The following VAV2 variants were observed in gnomAD, a reference collection of about 807,000 sequenced individuals.
The protein encoded by VAV2 is guanine nucleotide exchange factor VAV2.
A neutral mutation model predicts 132.5 loss-of-function variants in VAV2; 67 were observed. The observed-to-expected ratio is 0.51, with a 90% CI of 0.42 to 0.62. The LOEUF (loss-of-function observed/expected upper bound fraction) is 0.62. Among genes scored for constraint, VAV2 ranks in the 20% least tolerant of loss-of-function variants. The probability of loss-of-function intolerance (pLI) is 0.00; values close to 1 mark genes in which losing one functional copy is unlikely to be tolerated. For synonymous variants in VAV2, 492 were observed against 443.5 expected, an observed-to-expected ratio of 1.11 and a Z score of -1.37; for missense variants, 938 against 1,153.6, an observed-to-expected ratio of 0.81 and a Z score of 2.71.
chr9:133,960,457 C>T (rs1004278655), intron 1 of VAV2, among the ~76,000 whole-genome samples: 1 of 152,316 alleles, frequency 6.6e-6, no homozygotes, highest in South Asian at 2.1e-4. Context: ...GTGCCGGCCA[C>T]GGGAGCCTCT....
At position 133,992,227 on chromosome 9, in the gene VAV2, G is replaced by GC. The variant is rs1347474259; in HGVS notation, c.51dup (p.Pro18AlafsTer68). 5.0e-6 allele frequency: 8 copies of GC among 1,589,740 alleles called. No homozygotes were observed. Among genetic ancestry groups the GC allele is most frequent in the Non-Finnish European group, 6.8e-6 (8 of 1,168,916 alleles). On this transcript the variant is annotated frameshift_variant, in exon 1 of 30. Transcript: ENST00000371850. LOFTEE classifies it high-confidence loss of function. The surrounding 1 kb of genome is among the most constrained non-coding windows in gnomAD (Gnocchi z 5.5). ...GGCCACACCACCCGGTGGTTGGGCG[G>GC]CAGGACCTTGCAATCGATGAGCCAG...
intron 1 of VAV2, among the ~76,000 whole-genome samples, chr9:133,956,956 C>T (rs1318006957): frequency 3.3e-5 from 5 of 152,204 alleles, no homozygotes; most frequent in Non-Finnish European, 7.3e-5. Context: ...CAGTCCTGGG[C>T]GCACCTGTTT....
At chr9:133,852,136 T>C (rs966899281) in intron 3 of VAV2, among the ~76,000 whole-genome samples, 2 of 151,476 alleles carry the variant, frequency 1.3e-5, no homozygotes, top group African/African-American at 4.9e-5. Flanking sequence ...GGTGGCTTGA[T>C]GGGTTGTAGG....
At position 133,769,451 on chromosome 9, in the gene VAV2, A is replaced by G; in HGVS notation, c.2400T>C (p.Phe800=). ...FSFLSPQGLS[F]ASQGPSAPFW... ...AGGGAGCGGAGGGGCCCTGAGAAGC[A>G]AAGCTGAGGCCCTGAGGACTGAGAA... Residue 800 remains phenylalanine, a synonymous_variant, in exon 28 of 30, where the codon TTT becomes TTC. Coordinates refer to ENST00000371850, the MANE Select transcript of VAV2 (RefSeq NM_001134398.2). This position sits in a 1 kb window ranked among gnomAD's most constrained non-coding sequence, Gnocchi z 8.1. 7 of 1,613,276 alleles carry G rather than the reference A, an allele frequency of 4.3e-6. No individual in the cohort carries two copies. Among genetic ancestry groups the G allele is most frequent in the Non-Finnish European group, 5.9e-6 (7 of 1,179,598 alleles).
chr9:133,955,843 C>T (rs1429502806), intron 1 of VAV2, among the ~76,000 whole-genome samples: 2 of 127,872 alleles, frequency 1.6e-5, no homozygotes, highest in African/African-American at 6.2e-5. Context: ...GCTCTGGCCT[C>T]CCCCAGCCCG....
At chr9:133,980,208 G>C (rs893338604) in intron 1 of VAV2, among the ~76,000 whole-genome samples, 1 of 152,198 alleles carries the variant, frequency 6.6e-6, no homozygotes, top group Non-Finnish European at 1.5e-5. Context: ...CCATTTTGCC[G>C]GTGGAGGGGG....
intron 12 of VAV2, among the ~76,000 whole-genome samples, chr9:133,793,984 G>A (rs569703684): frequency 6.6e-6 from 1 of 152,214 alleles, no homozygotes; most frequent in East Asian, 1.9e-4. Flanking sequence ...CTCTCAGAAA[G>A]GCAGACGCAC....
rs773398433 is a variant in VAV2, at chr9:133,834,322, C to T, written c.399G>A (p.Glu133=). ...AGACGTCATCGTCATTCTCTGTGGT[C>T]TCCTCTGAGGGAAAAGGCCTGCGGA... The part of the protein sequence containing the change: ...NKGIRPFPSE[E]TTENDDDVYR... The change falls in exon 4 of 30, where the codon GAG becomes GAA. Residue 133 remains glutamate, a synonymous_variant. Transcript: ENST00000371850. The surrounding 1 kb of genome is among the most constrained non-coding windows in gnomAD (Gnocchi z 5.9). 2 of 1,612,784 alleles carry T rather than the reference C, an allele frequency of 1.2e-6. No individual in the cohort carries two copies. Among genetic ancestry groups the T allele is most frequent in the South Asian group, 2.2e-5 (2 of 90,742 alleles).
intron 1 of VAV2, among the ~76,000 whole-genome samples, chr9:133,960,015 G>C (rs990038385): frequency 6.6e-6 from 1 of 152,246 alleles, no homozygotes; most frequent in Non-Finnish European, 1.5e-5. Context: ...AAAGCACACA[G>C]TGAGAGCCGG....
chr9:133,951,541 G>A (rs1323646442), intron 1 of VAV2, among the ~76,000 whole-genome samples: 2 of 152,160 alleles, frequency 1.3e-5, no homozygotes, highest in African/African-American at 4.8e-5. Context: ...TGTGCTTCGT[G>A]AGGCCCATAT....
chr9:133,797,214 G>A (rs1564357450), intron 10 of VAV2, among the ~76,000 whole-genome samples: 1 of 152,190 alleles, frequency 6.6e-6, no homozygotes, highest in Non-Finnish European at 1.5e-5. Flanking sequence ...GGCCTGGGGT[G>A]AGGATGGATG....
chr9:133,910,236 C>T (rs1839829805), intron 2 of VAV2, among the ~76,000 whole-genome samples: 1 of 152,200 alleles, frequency 6.6e-6, no homozygotes, highest in South Asian at 2.1e-4. Flanking sequence ...GTCCCTGAGA[C>T]TATGGCACCG....
At chr9:133,986,479 C>T (rs1842859317) in intron 1 of VAV2, among the ~76,000 whole-genome samples, 2 of 152,158 alleles carry the variant, frequency 1.3e-5, no homozygotes, top group Admixed American at 6.5e-5. Flanking sequence ...GAGAAGTGGA[C>T]GGGTCACGGA....
chr9:133,986,119 G>A (rs1265637429), intron 1 of VAV2, among the ~76,000 whole-genome samples: 2 of 152,108 alleles, frequency 1.3e-5, no homozygotes, highest in African/African-American at 4.8e-5. Flanking sequence ...AACAGCAAAC[G>A]GAAACCAAGT....
At chr9:133,865,841 G>A (rs950282019) in intron 2 of VAV2, among the ~76,000 whole-genome samples, 2 of 152,214 alleles carry the variant, frequency 1.3e-5, no homozygotes, top group Non-Finnish European at 2.9e-5. Context: ...GTTTTCCATG[G>A]GTGGAGGGAG....
At chr9:133,778,675 G>T in intron 22 of VAV2, 87 bp downstream of exon 22, 5 of 1,536,538 alleles carry the variant, frequency 3.3e-6, no homozygotes, top group Non-Finnish European at 4.4e-6. Flanking sequence ...TCTGCCTGGG[G>T]ATGTGCAGGA....
intron 4 of VAV2, among the ~76,000 whole-genome samples, chr9:133,818,813 T>C (rs1473436800): frequency 6.6e-6 from 1 of 152,192 alleles, no homozygotes; most frequent in Non-Finnish European, 1.5e-5. Context: ...TCCTGTTTCT[T>C]GCGTTTGGTG....
intron 1 of VAV2, among the ~76,000 whole-genome samples, chr9:133,942,701 G>C (rs1052880044): frequency 6.6e-6 from 1 of 152,228 alleles, no homozygotes; most frequent in African/African-American, 2.4e-5. Flanking sequence ...TCGGGCACAG[G>C]ATGGGCCCAG....
At position 133,908,798 on chromosome 9, in the gene VAV2, G is replaced by A. The variant is rs150865996; in HGVS notation, c.321+30305C>T. On this transcript the variant is annotated intron_variant, in intron 2 of 29. Coordinates refer to ENST00000371850, the MANE Select transcript of VAV2 (RefSeq NM_001134398.2). ...CCAGGTGCCAGGAGCAGGCCCCCTC[G>A]GGAGCGGACTTCCAACCGCTTGCCT... Among the ~76,000 whole-genome samples the A allele has an allele frequency of 7.9e-3, 1,204 of 152,338 alleles. 20 individuals carry two copies. The highest frequency in any genetic ancestry group is 0.027 in the African/African-American group (1,124 of 41,582).
Sources: allele counts gnomAD v4.1 joint callset (sites outside exome capture counted in the v4.1 genomes callset), GRCh38; gene constraint gnomAD v4.1.1; non-coding constraint Gnocchi (gnomAD v3.1); transcripts MANE v1.5; gene names NCBI Gene and HGNC (gene_info 2026-07-23, HGNC 2026-07-21).